CCDC102B: variants seen among roughly 807,000 people sequenced by gnomAD.
CCDC102B encodes the protein coiled-coil domain containing 102B.
Under a neutral mutation model 57.4 loss-of-function variants are expected in CCDC102B, and 75 were observed. That is an observed-to-expected ratio of 1.31 (90% CI 1.08 to 1.58). The LOEUF (loss-of-function observed/expected upper bound fraction) is 1.58. Ranked by LOEUF, CCDC102B falls within the 40% of genes most tolerant of loss-of-function variation. The pLI, the probability that CCDC102B is intolerant of heterozygous loss-of-function variation, is 0.00. For synonymous variants in CCDC102B, 206 were observed against 201.9 expected, an observed-to-expected ratio of 1.02 and a Z score of -0.17; for missense variants, 636 against 582.6, an observed-to-expected ratio of 1.09 and a Z score of -0.94.
chr18:68,892,441 C>T (rs1002310444), intron 5 of CCDC102B, among the ~76,000 whole-genome samples: 3 of 152,182 alleles, frequency 2.0e-5, no homozygotes, highest in African/African-American at 7.2e-5. Context: ...TCTGCTCCCA[C>T]ATGGTCTCCA....
At chr18:68,880,101 G>A (rs974887236) in intron 5 of CCDC102B, among the ~76,000 whole-genome samples, 166 of 152,322 alleles carry the variant, frequency 1.1e-3, no homozygotes, top group African/African-American at 3.9e-3. Context: ...GGGGGTGGAA[G>A]GCTCAGGCAT....
intron 6 of CCDC102B, among the ~76,000 whole-genome samples, chr18:68,901,330 C>T (rs2040444620): frequency 6.6e-6 from 1 of 152,036 alleles, no homozygotes; most frequent in Non-Finnish European, 1.5e-5. Context: ...TGTGGCATAT[C>T]CTTTTGAAAA....
At chr18:69,053,798 A>T (rs906773473) in intron 7 of CCDC102B, among the ~76,000 whole-genome samples, 5 of 152,026 alleles carry the variant, frequency 3.3e-5, no homozygotes, top group South Asian at 2.1e-4. Context: ...AAATTTGTAC[A>T]TATTTATGAT....
chr18:68,880,872 A>G (rs1295565623), intron 5 of CCDC102B, among the ~76,000 whole-genome samples: 1 of 152,142 alleles, frequency 6.6e-6, no homozygotes, highest in Non-Finnish European at 1.5e-5. Flanking sequence ...ATTGGTTTTT[A>G]TTTTGACTAT....
At chr18:69,035,688 A>G (rs1186637774) in intron 7 of CCDC102B, among the ~76,000 whole-genome samples, 1 of 152,056 alleles carries the variant, frequency 6.6e-6, no homozygotes, top group Non-Finnish European at 1.5e-5. Flanking sequence ...TTTTTTCCAG[A>G]TGGAGAGTTC....
chr18:68,767,077 G>GT (rs2034493943), intron 2 of CCDC102B, among the ~76,000 whole-genome samples: 3 of 152,172 alleles, frequency 2.0e-5, no homozygotes. Flanking sequence ...TTTGAAGGTA[G>GT]TATTTTCTCT....
intron 1 of CCDC102B, chr18:68,715,758 A>T (rs2031922284): frequency 6.6e-6 from 1 of 152,166 alleles, no homozygotes; most frequent in African/African-American, 2.4e-5. Context: ...TTTTTCTTCT[A>T]TACGACAATG....
chr18:68,881,797 GTC>G (rs926017467), intron 5 of CCDC102B, among the ~76,000 whole-genome samples: 6 of 151,776 alleles, frequency 4.0e-5, no homozygotes, highest in Non-Finnish European at 8.8e-5. Flanking sequence ...CATTCTCTCT[GTC>G]TCTCTCTGTC....
intron 2 of CCDC102B, among the ~76,000 whole-genome samples, chr18:68,722,194 T>C (rs2032369872): frequency 6.6e-6 from 1 of 152,210 alleles, no homozygotes; most frequent in African/African-American, 2.4e-5. Context: ...GCATCCTTTT[T>C]TGGCTGCTAT....
chr18:68,996,076 C>CA (rs1226171950), intron 6 of CCDC102B, among the ~76,000 whole-genome samples: 1 of 152,158 alleles, frequency 6.6e-6, no homozygotes, highest in East Asian at 1.9e-4. Context: ...CTGAAAGATG[C>CA]AAAGTATTGT....
chr18:69,016,543 C>G (rs1180790085), intron 7 of CCDC102B, among the ~76,000 whole-genome samples: 1 of 152,152 alleles, frequency 6.6e-6, no homozygotes, highest in African/African-American at 2.4e-5. Flanking sequence ...GCCATGATAA[C>G]GTGTTACCTT....
intron 6 of CCDC102B, among the ~76,000 whole-genome samples, chr18:68,971,546 G>A (rs544520858): frequency 1.3e-5 from 2 of 152,210 alleles, no homozygotes; most frequent in African/African-American, 4.8e-5. Context: ...TGAGAATGAA[G>A]TGTGCACCAA....
chr18:69,034,476 T>C (rs529990218), intron 7 of CCDC102B, among the ~76,000 whole-genome samples: 23 of 152,058 alleles, frequency 1.5e-4, no homozygotes, highest in African/African-American at 5.1e-4. Context: ...GATTTCCTAA[T>C]TGAAATGTTT....
At chr18:68,767,395 A>G (rs1221858175) in intron 2 of CCDC102B, among the ~76,000 whole-genome samples, 1 of 152,256 alleles carries the variant, frequency 6.6e-6, no homozygotes, top group Non-Finnish European at 1.5e-5. Flanking sequence ...GCCAGCTGGC[A>G]GCTGTCTGCA....
intron 3 of CCDC102B, among the ~76,000 whole-genome samples, chr18:68,845,700 G>A (rs902741139): frequency 6.6e-6 from 1 of 151,784 alleles, no homozygotes; most frequent in Non-Finnish European, 1.5e-5. Flanking sequence ...AGTGGTTGGT[G>A]TATTAAAGGA....
At chr18:69,038,914 G>A (rs1277902884) in intron 7 of CCDC102B, among the ~76,000 whole-genome samples, 1 of 151,868 alleles carries the variant, frequency 6.6e-6, no homozygotes, top group South Asian at 2.1e-4. Context: ...ACATTATCGA[G>A]TGGCTCAATG....
chr18:68,907,339 A>G (rs1261588948), intron 6 of CCDC102B, among the ~76,000 whole-genome samples: 1 of 152,134 alleles, frequency 6.6e-6, no homozygotes, highest in East Asian at 1.9e-4. Context: ...TTGCAAATAA[A>G]AAAAAAACGC....
At position 68,836,924 on chromosome 18, in the gene CCDC102B, C is replaced by T. The variant is rs759671219; in HGVS notation, c.161C>T (p.Ala54Val). Residue 54 changes from alanine (A) to valine (V), a missense_variant, in exon 2 of 8, where the codon GCT (alanine) becomes GTT (valine). Transcript: ENST00000360242. ...FPLHGLQSHA[A>V]HNFCAHSYNT... ...CTTCATGGGCTACAATCTCATGCTG[C>T]TCACAATTTCTGTGCTCACTCATAT... is the stretch of plus-strand genomic sequence containing the variant. The T allele has an allele frequency of 6.2e-7, 1 of 1,614,156 alleles. No individual in the cohort carries two copies. Among genetic ancestry groups the T allele is most frequent in the Admixed American group, 1.7e-5 (1 of 60,020 alleles).
chr18:68,849,725 A>G (rs1266041707), intron 4 of CCDC102B, among the ~76,000 whole-genome samples: 2 of 152,134 alleles, frequency 1.3e-5, no homozygotes, highest in African/African-American at 4.8e-5. Flanking sequence ...TCACAGGCTG[A>G]TGGTTCAGTG....
Sources: gnomAD v4.1 joint callset for allele counts (sites outside exome capture counted in the v4.1 genomes callset) on GRCh38, gnomAD v4.1.1 for gene constraint, MANE v1.5 for transcripts, NCBI Gene and HGNC (gene_info 2026-07-23, HGNC 2026-07-21) for gene names.